Variants in BRWD1 observed in about 807,000 individuals in gnomAD.
BRWD1 encodes bromodomain and WD repeat domain containing 1, also known as bromodomain and WD repeat-containing protein 1.
BRWD1 carries 82 observed loss-of-function variants against 251.2 expected under a neutral mutation model. The observed-to-expected ratio is 0.33, with a 90% CI of 0.27 to 0.39. BRWD1 has a LOEUF of 0.39. BRWD1 is among the 10% of genes least tolerant of loss of function. The pLI, the probability that BRWD1 is intolerant of heterozygous loss-of-function variation, is 1.00. For missense variants in BRWD1, 2,233 were observed against 2,711.6 expected (o/e 0.82, Z 3.92); for synonymous variants, 918 against 902.8 (o/e 1.02, Z -0.30).
intron 8 of BRWD1, among the ~76,000 whole-genome samples, chr21:39,290,346 G>A (rs374479132): frequency 1.8e-4 from 27 of 152,056 alleles, no homozygotes; most frequent in East Asian, 5.8e-4. Context: ...AAAATTAGCC[G>A]GGCGTGGTGG....
intron 15 of BRWD1, 48 bp downstream of exon 15, chr21:39,269,851 C>T (rs1321014616): frequency 7.2e-7 from 1 of 1,396,330 alleles, no homozygotes; most frequent in Non-Finnish European, 9.4e-7. Context: ...CCCAAATACT[C>T]TAAACAAATT....
In BRWD1 at chr21:39,188,094, G is replaced by T. The variant is rs1253373944; in HGVS notation, c.*8165C>A. 1 of 985,266 alleles carries T rather than the reference G, an allele frequency of 1.0e-6. No individual in the cohort carries two copies. The highest frequency in any genetic ancestry group is 1.1e-4 in the East Asian group (1 of 8,826). 61.0% of individuals were successfully genotyped at this position (985,266 alleles called of 1,614,324 possible). ...ACTCCGTGCTGACCAAACTTAGGAG[G>T]GCTCAGATATGTTTGTTACCAGTGT... On this transcript the variant is annotated 3_prime_UTR_variant, in exon 41 of 41. Transcript: ENST00000342449.
Position 39,224,573 on chromosome 21 carries a change from A to G in BRWD1, c.3321-104T>C, listed in dbSNP as rs1035309255. ...AAAATGTGAAAATTAACCTCACTGC[A>G]GCAGTACAATTTTAAATATTAACAG... On this transcript the variant is annotated intron_variant, in intron 28 of 40. Transcript: ENST00000342449. 38 of 693,924 alleles carry G rather than the reference A, an allele frequency of 5.5e-5. 1 individual carries two copies. Among genetic ancestry groups the G allele is most frequent in the Non-Finnish European group, 8.4e-5 (34 of 406,474 alleles). The allele number at this position is 693,924 out of a possible 1,614,324, so 43.0% of individuals were successfully genotyped here.
chr21:39,242,363 T>A (rs1568906120), intron 21 of BRWD1, among the ~76,000 whole-genome samples: 4 of 152,098 alleles, frequency 2.6e-5, no homozygotes, highest in African/African-American at 7.2e-5. Context: ...AGGCCCTAAC[T>A]CTCTTTAATT....
intron 38 of BRWD1, among the ~76,000 whole-genome samples, chr21:39,201,881 A>G (rs1486619192): frequency 1.3e-5 from 2 of 152,234 alleles, no homozygotes; most frequent in African/African-American, 4.8e-5. Context: ...AACCACTCAG[A>G]GCAGTACAGA....
chr21:39,232,223 T>G lies in BRWD1; in HGVS notation c.2954A>C (p.Tyr985Ser). Residue 985 changes from tyrosine to serine, a missense_variant, in exon 25 of 41, where the codon TAT (tyrosine) becomes TCT (serine). Transcript: ENST00000342449. ...TGGCTCCTTATTAGGGTTCAGTTCA[T>G]AAATATTATTTCTTCTTACAGCCTC... is the stretch of plus-strand genomic sequence containing the variant. ...YIEAVRRNNI[Y>S]ELNPNKEPWR... The G allele has an allele frequency of 6.2e-7, 1 of 1,613,598 alleles. No homozygotes were observed. The highest frequency in any genetic ancestry group is 8.5e-7 in the Non-Finnish European group (1 of 1,179,718).
At chr21:39,299,788 G>A (rs1352029682) in intron 4 of BRWD1, among the ~76,000 whole-genome samples, 1 of 146,778 alleles carries the variant, frequency 6.8e-6, no homozygotes, top group African/African-American at 2.5e-5. Flanking sequence ...CAGCCTGGCG[G>A]AAATGGTGAC....
At chr21:39,222,584 A>G (rs947006361) in intron 29 of BRWD1, among the ~76,000 whole-genome samples, 1 of 152,242 alleles carries the variant, frequency 6.6e-6, no homozygotes, top group Non-Finnish European at 1.5e-5. Context: ...GCAACAAAAT[A>G]ATGACAACAA....
chr21:39,233,662 G>T (rs2033705386), intron 23 of BRWD1, among the ~76,000 whole-genome samples: 1 of 152,222 alleles, frequency 6.6e-6, no homozygotes, highest in East Asian at 1.9e-4. Context: ...TTAAGTTTCA[G>T]ATTTGGAAAG....
chr21:39,296,318 T>A lies in BRWD1; in HGVS notation c.395A>T (p.His132Leu). Residue 132 changes from histidine (H) to leucine (L), a missense_variant, in exon 6 of 41, where the codon CAT (histidine) becomes CTT (leucine). Coordinates refer to ENST00000342449, the MANE Select transcript of BRWD1 (RefSeq NM_033656.4). Reference protein sequence around the residue: ...VWKGSAFAALHRGRPPEMPVN... With the variant: ...VWKGSAFAALLRGRPPEMPVN... ...TGGCATTTCAGGAGGTCTTCCTCTA[T>A]GAAGAGCAGCAAAGGCAGAGCCCTT... 2 of 1,602,248 alleles carry A rather than the reference T, an allele frequency of 1.2e-6. No individual in the cohort carries two copies. Among genetic ancestry groups the A allele is most frequent in the Non-Finnish European group, 1.7e-6 (2 of 1,175,542 alleles).
In BRWD1 at chr21:39,238,598, A is replaced by G. The variant is rs996176968; in HGVS notation, c.2482-25T>C. ...CCTAATTTGTGAAGGGGGGAAAAAA[A>G]TCTTGATCCCTGAAGTTAAACAACA... On this transcript the variant is annotated intron_variant, in intron 21 of 40. Transcript: ENST00000342449. 6 of 1,531,700 alleles carry G rather than the reference A, an allele frequency of 3.9e-6. No homozygotes were observed. In the African/African-American group the frequency reaches 6.8e-5, roughly 17 times the overall value. 94.9% of individuals were successfully genotyped at this position (1,531,700 alleles called of 1,614,324 possible). A position where few individuals can be genotyped will look rare whatever the true frequency, so the allele number is the denominator to read the frequency against.
chr21:39,236,749 T>A lies in BRWD1; in HGVS notation c.2612A>T (p.Asp871Val). The change falls in exon 23 of 41, where the codon GAT becomes GTT. Residue 871 changes from aspartate (D) to valine (V), a missense_variant. Transcript: ENST00000342449. ...SSSRYSDWTA[D>V]AGINLQPPLR... ...AGGAGGCTGCAAATTGATGCCCGCA[T>A]CAGCTGTCCAATCGGAATATCTAGA... The A allele has an allele frequency of 6.2e-7, 1 of 1,614,022 alleles. No individual in the cohort carries two copies. The highest frequency in any genetic ancestry group is 8.5e-7 in the Non-Finnish European group (1 of 1,179,994).
upstream of BRWD1, chr21:39,313,730 A>G (rs2036612443): frequency 2.6e-6 from 1 of 388,070 alleles, no homozygotes; most frequent in Non-Finnish European, 4.6e-6. Flanking sequence ...AGAGGACCGG[A>G]GCTCGTGTCC....
At chr21:39,309,589 C>G (rs890649213) in intron 4 of BRWD1, among the ~76,000 whole-genome samples, 3 of 151,772 alleles carry the variant, frequency 2.0e-5, no homozygotes, top group African/African-American at 4.8e-5. Flanking sequence ...CTTTGGGAGG[C>G]AGAGGCAGGC....
intron 4 of BRWD1, among the ~76,000 whole-genome samples, chr21:39,305,758 G>A (rs2036265160): frequency 6.6e-6 from 1 of 151,862 alleles, no homozygotes; most frequent in Admixed American, 6.6e-5. Flanking sequence ...AGCTACTCAG[G>A]AGGGCTGAGG....
chr21:39,312,127 T>A (rs1471247069), intron 4 of BRWD1, among the ~76,000 whole-genome samples: 1 of 152,234 alleles, frequency 6.6e-6, no homozygotes, highest in East Asian at 1.9e-4. Flanking sequence ...AAGCAAGTTA[T>A]ATAGAAACAT....
intron 4 of BRWD1, chr21:39,312,572 C>A: frequency 3.0e-6 from 1 of 338,488 alleles, no homozygotes; most frequent in South Asian, 3.6e-5. Flanking sequence ...GGCGGCCGCA[C>A]CTGGAGCCCC....
At chr21:39,316,287 G>T (rs1054534912), upstream of BRWD1, among the ~76,000 whole-genome samples, 2 of 152,146 alleles carry the variant, frequency 1.3e-5, no homozygotes, top group Admixed American at 6.6e-5. Context: ...ATCTCGTTTG[G>T]GGCTTTCCAA....
At chr21:39,295,226 G>A (rs943587765) in intron 7 of BRWD1, among the ~76,000 whole-genome samples, 13 of 109,370 alleles carry the variant, frequency 1.2e-4, no homozygotes, top group Admixed American at 1.5e-4. Flanking sequence ...TCGCTCTGTC[G>A]CCCAGGCTGG....
Sources: allele counts gnomAD v4.1 joint callset (sites outside exome capture counted in the v4.1 genomes callset), GRCh38; gene constraint gnomAD v4.1.1; transcripts MANE v1.5; gene names NCBI Gene and HGNC (gene_info 2026-07-23, HGNC 2026-07-21).